FRMPD4: variants seen among roughly 807,000 people sequenced by gnomAD.
The protein encoded by FRMPD4 is FERM and PDZ domain containing 4.
Under a neutral mutation model 94.1 loss-of-function variants are expected in FRMPD4, and 22 were observed. The ratio of observed to expected loss-of-function variants is 0.23; its 90% CI spans 0.17 to 0.33. FRMPD4 has a LOEUF of 0.33. Among genes scored for constraint, FRMPD4 ranks in the 10% least tolerant of loss-of-function variants. The probability of loss-of-function intolerance (pLI) is 1.00; values close to 1 mark genes in which losing one functional copy is unlikely to be tolerated. For missense variants in FRMPD4, 1,111 were observed against 1,339.9 expected (o/e 0.83, Z 2.67); for synonymous variants, 631 against 548.6 (o/e 1.15, Z -2.10).
chrX:12,670,261 C>G (rs755942304), intron 4 of FRMPD4, among the ~76,000 whole-genome samples: 1 of 112,095 alleles, frequency 8.9e-6, no homozygotes, highest in African/African-American at 3.2e-5. Context: ...TCTAAGCCTC[C>G]CTGTCTTAGT....
At chrX:11,897,285 T>C (rs2053909853) in intron 3 of FRMPD4, among the ~76,000 whole-genome samples, 1 of 111,278 alleles carries the variant, frequency 9.0e-6, no homozygotes, top group South Asian at 3.8e-4. Context: ...AGAAATCAAA[T>C]TAGTGGTTGC....
At chrX:11,897,386 C>T (rs192847737) in intron 3 of FRMPD4, among the ~76,000 whole-genome samples, 52 of 110,590 alleles carry the variant, frequency 4.7e-4, no homozygotes, top group Admixed American at 4.5e-3. Context: ...GATATATTTA[C>T]GAATAAATGG....
rs962071482 is a variant in FRMPD4, at chrX:12,360,481, A to AG, written c.42-138194dup. The stretch of plus-strand genomic sequence containing the variant: ...TTTTTTATATCAAAACTAAACATGT[A>AG]GGGGGAAAAAAGATGAAAAAAAGAT... On this transcript the variant is annotated intron_variant, in intron 1 of 16. Transcript: ENST00000675598. Among the ~76,000 whole-genome samples, 21 of 111,618 alleles carry AG rather than the reference A, an allele frequency of 1.9e-4. No individual in the cohort carries two copies. In the East Asian group the frequency reaches 3.4e-3, roughly 18 times the overall value.
chrX:12,231,030 G>GTATGTATATATATATATATATATA (rs1555938221), intron 1 of FRMPD4, among the ~76,000 whole-genome samples: 14 of 26,341 alleles, frequency 5.3e-4, no homozygotes, highest in Non-Finnish European at 8.4e-4. Flanking sequence ...TATATATATA[G>GTATGTATATATATATATATATATA]TATATATATA....
chrX:11,913,405 C>A (rs1569124276), intron 3 of FRMPD4, among the ~76,000 whole-genome samples: 1 of 112,105 alleles, frequency 8.9e-6, no homozygotes, highest in Admixed American at 9.4e-5. Context: ...GGGATGGGGT[C>A]AAGGCTAAAG....
chrX:12,194,703 A>G (rs960145371), intron 1 of FRMPD4, among the ~76,000 whole-genome samples: 1 of 112,145 alleles, frequency 8.9e-6, no homozygotes. Context: ...AGAATCTGCA[A>G]AGCAAAAAAT....
intron 3 of FRMPD4, among the ~76,000 whole-genome samples, chrX:12,001,719 A>G (rs2054525446): frequency 1.8e-5 from 2 of 112,267 alleles, no homozygotes; most frequent in Non-Finnish European, 3.8e-5. Context: ...GCTTGCTAGA[A>G]TGACTTGACC....
intron 1 of FRMPD4, among the ~76,000 whole-genome samples, chrX:12,273,296 T>G (rs2054382252): frequency 8.9e-6 from 1 of 111,892 alleles, no homozygotes; most frequent in Non-Finnish European, 1.9e-5. Flanking sequence ...TGTTAACAAG[T>G]AAATGTCTAA....
intron 1 of FRMPD4, among the ~76,000 whole-genome samples, chrX:11,834,553 A>G (rs1437498716): frequency 1.8e-5 from 2 of 111,782 alleles, no homozygotes; most frequent in Non-Finnish European, 3.8e-5. Flanking sequence ...GTCAACCTCC[A>G]TTCTCTGGAG....
At chrX:12,316,963 C>T (rs191032210) in intron 1 of FRMPD4, among the ~76,000 whole-genome samples, 9 of 111,484 alleles carry the variant, frequency 8.1e-5, no homozygotes, top group South Asian at 3.8e-4. Context: ...TTAGTAAAAT[C>T]GTTAAAATTT....
chrX:12,690,922 T>A (rs112211709), intron 8 of FRMPD4, among the ~76,000 whole-genome samples: 2,286 of 111,787 alleles, frequency 0.02, 47 homozygotes, highest in African/African-American at 0.063. Flanking sequence ...ACAAGCAAAG[T>A]CTTTGTTGAA....
At chrX:12,216,723 T>C (rs1346024779) in intron 1 of FRMPD4, among the ~76,000 whole-genome samples, 1 of 112,182 alleles carries the variant, frequency 8.9e-6, no homozygotes, top group Non-Finnish European at 1.9e-5. Context: ...TTGCTTATCC[T>C]CATATCTGGG....
intron 3 of FRMPD4, among the ~76,000 whole-genome samples, chrX:12,018,719 G>C (rs1048042132): frequency 8.9e-6 from 1 of 111,750 alleles, no homozygotes; most frequent in Non-Finnish European, 1.9e-5. Flanking sequence ...TCCCGGTCCA[G>C]ATTTCCCCTT....
At chrX:12,353,355 G>T (rs188044792) in intron 1 of FRMPD4, among the ~76,000 whole-genome samples, 10 of 111,864 alleles carry the variant, frequency 8.9e-5, no homozygotes, top group Admixed American at 1.9e-4. Flanking sequence ...GCCCATCTTA[G>T]CTCCCACTGA....
chrX:12,464,511 G>A (rs1022462625), intron 1 of FRMPD4, among the ~76,000 whole-genome samples: 2 of 112,077 alleles, frequency 1.8e-5, no homozygotes, highest in Non-Finnish European at 3.8e-5. Flanking sequence ...AAGTTTGGAT[G>A]CATGAAACAG....
intron 2 of FRMPD4, among the ~76,000 whole-genome samples, chrX:12,549,429 A>G (rs1010389413): frequency 8.9e-6 from 1 of 112,566 alleles, no homozygotes; most frequent in African/African-American, 3.2e-5. Flanking sequence ...ACTTTCCCAT[A>G]AAGTTAGATT....
chrX:11,845,061 T>C (rs1601799190), intron 1 of FRMPD4, among the ~76,000 whole-genome samples: 2 of 112,345 alleles, frequency 1.8e-5, no homozygotes, highest in African/African-American at 6.5e-5. Flanking sequence ...AATGATTATC[T>C]CTTTATTGAA....
chrX:12,108,510 A>G (rs1446022257), intron 3 of FRMPD4, among the ~76,000 whole-genome samples: 1 of 112,400 alleles, frequency 8.9e-6, no homozygotes, highest in African/African-American at 3.2e-5. Flanking sequence ...AAGAAACTGC[A>G]TCAACTAATG....
chrX:12,420,281 C>A (rs903336653), intron 1 of FRMPD4, among the ~76,000 whole-genome samples: 3 of 111,956 alleles, frequency 2.7e-5, no homozygotes, highest in African/African-American at 6.5e-5. Context: ...ATCCTCAAAA[C>A]AATCTGCTGT....
Sources: allele counts gnomAD v4.1 joint callset (sites outside exome capture counted in the v4.1 genomes callset), GRCh38; gene constraint gnomAD v4.1.1; transcripts MANE v1.5; gene names NCBI Gene and HGNC (gene_info 2026-07-23, HGNC 2026-07-21).